Variants in AGMO observed in about 807,000 individuals in gnomAD.
AGMO encodes the protein glyceryl-ether monooxygenase.
AGMO carries 75 observed loss-of-function variants against 60.2 expected under a neutral mutation model. The observed-to-expected ratio is 1.25, with a 90% CI of 1.03 to 1.51. The LOEUF (loss-of-function observed/expected upper bound fraction) is 1.51. Among genes scored for constraint, AGMO ranks in the 40% most tolerant of loss-of-function variants. The pLI, the probability that AGMO is intolerant of heterozygous loss-of-function variation, is 0.00. For synonymous variants in AGMO, 261 were observed against 177.1 expected (o/e 1.47, Z -3.76); for missense variants, 763 against 525.5 (o/e 1.45, Z -4.42).
At chr7:15,462,294 C>A (rs1782162952) in intron 3 of AGMO, among the ~76,000 whole-genome samples, 1 of 152,082 alleles carries the variant, frequency 6.6e-6, no homozygotes, top group Non-Finnish European at 1.5e-5. Context: ...GAAATTATCA[C>A]CTTCTAATTT....
chr7:15,442,424 T>C (rs1487313343), intron 3 of AGMO, among the ~76,000 whole-genome samples: 2 of 152,170 alleles, frequency 1.3e-5, no homozygotes, highest in Admixed American at 6.5e-5. Context: ...TTTGACTTTT[T>C]GGCATTGAGA....
chr7:15,281,689 A>G (rs749017020), intron 12 of AGMO, among the ~76,000 whole-genome samples: 2 of 152,130 alleles, frequency 1.3e-5, no homozygotes, highest in Non-Finnish European at 2.9e-5. Flanking sequence ...TGCAATACCC[A>G]TTGATGGACA....
the AGMO span, among the ~76,000 whole-genome samples, chr7:15,184,374 A>T: frequency 1.3e-5 from 1 of 74,982 alleles, no homozygotes. Flanking sequence ...AAGGGAAGGA[A>T]GGAAGGAAGG....
intron 12 of AGMO, among the ~76,000 whole-genome samples, chr7:15,341,828 A>T (rs1781858441): frequency 6.6e-6 from 1 of 152,166 alleles, no homozygotes; most frequent in South Asian, 2.1e-4. Flanking sequence ...CAAGGCAGCT[A>T]GCAAGAGGGT....
At chr7:15,497,745 C>T (rs559826265) in intron 3 of AGMO, among the ~76,000 whole-genome samples, 3 of 152,088 alleles carry the variant, frequency 2.0e-5, no homozygotes, top group Admixed American at 2.0e-4. Flanking sequence ...ATTTCCTCAA[C>T]TCAGTGGTTA....
intron 3 of AGMO, among the ~76,000 whole-genome samples, chr7:15,495,824 C>CTA (rs1783208247): frequency 1.1e-5 from 1 of 94,008 alleles, no homozygotes; most frequent in African/African-American, 2.9e-5. Context: ...TGGAGACTCT[C>CTA]TCTCTCTCTC....
intron 12 of AGMO, among the ~76,000 whole-genome samples, chr7:15,214,149 TTA>T (rs1282224059): frequency 6.6e-6 from 1 of 151,944 alleles, no homozygotes; most frequent in African/African-American, 2.4e-5. Context: ...CTAAAAATAA[TTA>T]TGTTATGAAA....
intron 12 of AGMO, among the ~76,000 whole-genome samples, chr7:15,349,688 G>A (rs1563101961): frequency 1.3e-5 from 2 of 152,106 alleles, no homozygotes; most frequent in Non-Finnish European, 2.9e-5. Context: ...AGGTTTAATT[G>A]ACTCACAGTT....
chr7:15,397,751 T>A (rs919568744), intron 5 of AGMO, among the ~76,000 whole-genome samples: 1 of 152,212 alleles, frequency 6.6e-6, no homozygotes, highest in South Asian at 2.1e-4. Flanking sequence ...TGGAGCTCAT[T>A]TATACACCAA....
intron 3 of AGMO, among the ~76,000 whole-genome samples, chr7:15,485,705 C>T (rs1190151078): frequency 6.6e-6 from 1 of 152,028 alleles, no homozygotes; most frequent in African/African-American, 2.4e-5. Flanking sequence ...GAATTACAGG[C>T]TTCACACTCT....
At chr7:15,220,985 A>G (rs923985293) in intron 12 of AGMO, among the ~76,000 whole-genome samples, 2 of 152,244 alleles carry the variant, frequency 1.3e-5, no homozygotes, top group African/African-American at 4.8e-5. Flanking sequence ...AAAACATTCA[A>G]GAAAGTTGGA....
At chr7:15,539,762 A>G (rs1784574100) in intron 3 of AGMO, among the ~76,000 whole-genome samples, 1 of 152,186 alleles carries the variant, frequency 6.6e-6, no homozygotes, top group South Asian at 2.1e-4. Context: ...AACAGTGTAT[A>G]AGCATTCCTT....
downstream of AGMO, among the ~76,000 whole-genome samples, chr7:15,195,815 CTTG>C (rs950738206): frequency 1.3e-5 from 2 of 152,154 alleles, no homozygotes; most frequent in African/African-American, 2.4e-5. Context: ...CAAATAATGC[CTTG>C]TTAACTCCTG....
At chr7:15,552,552 C>CA (rs1426824444) in intron 2 of AGMO, among the ~76,000 whole-genome samples, 12 of 147,814 alleles carry the variant, frequency 8.1e-5, no homozygotes, top group Non-Finnish European at 1.4e-4. Flanking sequence ...TTTATGCAGC[C>CA]AAAAAACACA....
At chr7:15,240,083 A>G (rs1782545749) in intron 12 of AGMO, among the ~76,000 whole-genome samples, 1 of 152,168 alleles carries the variant, frequency 6.6e-6, no homozygotes, top group Non-Finnish European at 1.5e-5. Context: ...AAAAAGAGAA[A>G]CATGCTTTTT....
intron 12 of AGMO, among the ~76,000 whole-genome samples, chr7:15,342,499 G>T (rs1781887580): frequency 6.6e-6 from 1 of 151,492 alleles, no homozygotes; most frequent in African/African-American, 2.4e-5. Context: ...CCTCCCATTA[G>T]TCAAAACCAG....
chr7:15,316,291 C>T (rs902130157), intron 12 of AGMO, among the ~76,000 whole-genome samples: 2 of 152,130 alleles, frequency 1.3e-5, no homozygotes, highest in Non-Finnish European at 2.9e-5. Context: ...CCTCTCCCAC[C>T]CCACATCCAC....
Position 15,561,913 on chromosome 7 carries a change from A to C in AGMO, c.-68T>G. The C allele has an allele frequency of 6.7e-7, 1 of 1,500,268 alleles. No individual in the cohort carries two copies. The highest frequency in any genetic ancestry group is 9.0e-7 in the Non-Finnish European group (1 of 1,113,390). The allele number at this position is 1,500,268 out of a possible 1,614,324, so 92.9% of individuals were successfully genotyped here. A position where few individuals can be genotyped will look rare whatever the true frequency, so the allele number is the denominator to read the frequency against. ...CAATGCTTGAAGCCTGAGGCTGAAC[A>C]AAGAGGACGAGATGTGCAGCTCAGA... On this transcript the variant is annotated 5_prime_UTR_variant, in exon 1 of 13. Coordinates refer to ENST00000342526, the MANE Select transcript of AGMO (RefSeq NM_001004320.2).
intron 12 of AGMO, among the ~76,000 whole-genome samples, chr7:15,290,641 A>G (rs1784236184): frequency 6.6e-6 from 1 of 152,148 alleles, no homozygotes; most frequent in South Asian, 2.1e-4. Flanking sequence ...CAGTTGGTTT[A>G]TATCATCATT....
Sources: gnomAD v4.1 joint callset for allele counts (sites outside exome capture counted in the v4.1 genomes callset) on GRCh38, gnomAD v4.1.1 for gene constraint, MANE v1.5 for transcripts, NCBI Gene and HGNC (gene_info 2026-07-23, HGNC 2026-07-21) for gene names.